NRXN1: variants seen among roughly 807,000 people sequenced by gnomAD.
NRXN1 encodes the protein neurexin-1.
NRXN1 carries 39 observed loss-of-function variants against 150.9 expected under a neutral mutation model. The ratio of observed to expected loss-of-function variants is 0.26; its 90% CI spans 0.20 to 0.34. NRXN1 has a LOEUF of 0.34. Ranked by LOEUF, NRXN1 falls within the 10% of genes least tolerant of loss-of-function variation. NRXN1 has a pLI of 1.00. For synonymous variants in NRXN1, 924 were observed against 757.0 expected, an observed-to-expected ratio of 1.22 and a Z score of -3.62; for missense variants, 1,815 against 1,949.9, an observed-to-expected ratio of 0.93 and a Z score of 1.30.
chr2:50,728,655 C>T (rs775725015), intron 5 of NRXN1, among the ~76,000 whole-genome samples: 5 of 152,100 alleles, frequency 3.3e-5, no homozygotes, highest in Non-Finnish European at 7.4e-5. Context: ...GTGTCTATAA[C>T]GTTAAGAAAA....
At chr2:50,912,593 C>A (rs566780254) in intron 5 of NRXN1, among the ~76,000 whole-genome samples, 4 of 151,516 alleles carry the variant, frequency 2.6e-5, no homozygotes, top group South Asian at 2.1e-4. Flanking sequence ...CTGCTCTGGG[C>A]TGTCCCTCTG....
At chr2:50,225,374 A>C (rs1326127189) in intron 18 of NRXN1, among the ~76,000 whole-genome samples, 1 of 151,976 alleles carries the variant, frequency 6.6e-6, no homozygotes, top group East Asian at 1.9e-4. Flanking sequence ...TAGAGTATGA[A>C]AATACGGACA....
chr2:50,593,400 T>A (rs1047956894), intron 8 of NRXN1, among the ~76,000 whole-genome samples: 13 of 152,216 alleles, frequency 8.5e-5, no homozygotes, highest in Non-Finnish European at 1.8e-4. Context: ...TTTACAAGCA[T>A]GTATATTTCT....
Position 49,943,774 on chromosome 2 carries a change from A to G in NRXN1, c.4146T>C (p.Leu1382=), listed in dbSNP as rs201258185. 1.9e-6 allele frequency: 3 copies of G among 1,611,234 alleles called. No homozygotes were observed. Among genetic ancestry groups the G allele is most frequent in the South Asian group, 1.1e-5 (1 of 90,446 alleles). ...CGCTGGGACACTCTGCTGAGGCCAC[A>G]AGGATGTCATCTGTGGTCTGCAAAA... ...EPISQTTDDI[L]VASAECPSDD... is the part of the protein sequence containing the mutation. The change falls in exon 22 of 23, where the codon CTT becomes CTC. Residue 1382 remains leucine (L), a synonymous_variant. Transcript: ENST00000401669.
chr2:50,012,980 C>G (rs1685959102), intron 21 of NRXN1, among the ~76,000 whole-genome samples: 1 of 151,984 alleles, frequency 6.6e-6, no homozygotes, highest in South Asian at 2.1e-4. Flanking sequence ...TTGCAAAGCC[C>G]TTTTGTGGGG....
intron 17 of NRXN1, among the ~76,000 whole-genome samples, chr2:50,450,450 AAAT>A (rs1298817038): frequency 1.3e-5 from 2 of 152,066 alleles, no homozygotes; most frequent in African/African-American, 4.8e-5. Flanking sequence ...AAAAAAAAAA[AAAT>A]CCCTTCTATC....
At chr2:50,813,550 CATTTTTATGA>C (rs1668519765) in intron 5 of NRXN1, among the ~76,000 whole-genome samples, 1 of 152,066 alleles carries the variant, frequency 6.6e-6, no homozygotes, top group African/African-American at 2.4e-5. Flanking sequence ...TCTCAAAGTG[CATTTTTATGA>C]ATTCCCTCAT....
chr2:50,605,874 C>T (rs1015466408), intron 8 of NRXN1, among the ~76,000 whole-genome samples: 6 of 152,042 alleles, frequency 3.9e-5, no homozygotes, highest in Non-Finnish European at 8.8e-5. Flanking sequence ...TTCACAATAG[C>T]CAGGATGAGC....
chr2:51,025,631 C>G (rs1359619545), intron 2 of NRXN1, among the ~76,000 whole-genome samples: 1 of 152,052 alleles, frequency 6.6e-6, no homozygotes, highest in African/African-American at 2.4e-5. Flanking sequence ...GACAATTTTC[C>G]CATAAAATAA....
chr2:50,303,560 G>A (rs75426190), intron 17 of NRXN1, among the ~76,000 whole-genome samples: 1 of 152,018 alleles, frequency 6.6e-6, no homozygotes, highest in African/African-American at 2.4e-5. Flanking sequence ...CTCTGATTGA[G>A]AGCACTTTGA....
chr2:50,138,753 C>A (rs1035746174), intron 18 of NRXN1, among the ~76,000 whole-genome samples: 2 of 152,190 alleles, frequency 1.3e-5, no homozygotes, highest in Non-Finnish European at 2.9e-5. Context: ...AGTCTTGAAG[C>A]CATCTTATGT....
intron 5 of NRXN1, among the ~76,000 whole-genome samples, chr2:50,704,074 T>C (rs753674348): frequency 6.6e-6 from 1 of 152,044 alleles, no homozygotes; most frequent in Non-Finnish European, 1.5e-5. Context: ...ATATTATATA[T>C]AAGTAGGAAA....
At chr2:50,143,930 A>T (rs1707643540) in intron 18 of NRXN1, among the ~76,000 whole-genome samples, 1 of 151,944 alleles carries the variant, frequency 6.6e-6, no homozygotes, top group South Asian at 2.1e-4. Context: ...CTAAAAAAAA[A>T]TTTTAACATT....
chr2:50,362,422 C>A (rs551790730), intron 17 of NRXN1, among the ~76,000 whole-genome samples: 2 of 152,192 alleles, frequency 1.3e-5, no homozygotes, highest in South Asian at 4.2e-4. Flanking sequence ...AATCAATGTG[C>A]AAAAATCACA....
chr2:50,699,061 G>C (rs1353869873), intron 5 of NRXN1, among the ~76,000 whole-genome samples: 1 of 152,122 alleles, frequency 6.6e-6, no homozygotes, highest in Non-Finnish European at 1.5e-5. Context: ...CCTCTCTAAA[G>C]ACAGAGACTG....
At chr2:50,184,860 G>A (rs962824385) in intron 18 of NRXN1, among the ~76,000 whole-genome samples, 2 of 152,070 alleles carry the variant, frequency 1.3e-5, no homozygotes, top group African/African-American at 2.4e-5. Context: ...CAGTGGAACC[G>A]AGTCATGCAG....
chr2:50,850,219 C>T (rs1348474706), intron 5 of NRXN1, among the ~76,000 whole-genome samples: 1 of 148,858 alleles, frequency 6.7e-6, no homozygotes, highest in Non-Finnish European at 1.5e-5. Flanking sequence ...CAGAGCAAGA[C>T]CTGTCTCGAC....
At chr2:50,837,716 C>G (rs1672307399) in intron 5 of NRXN1, among the ~76,000 whole-genome samples, 1 of 151,790 alleles carries the variant, frequency 6.6e-6, no homozygotes. Flanking sequence ...TAGCATAAAC[C>G]AGAAATATTT....
chr2:49,957,719 T>C (rs1675226456), intron 21 of NRXN1, among the ~76,000 whole-genome samples: 1 of 152,122 alleles, frequency 6.6e-6, no homozygotes, highest in Admixed American at 6.6e-5. Flanking sequence ...TGTGCTCCAG[T>C]TCCCTTTTAG....
Sources: gnomAD v4.1 joint callset for allele counts (sites outside exome capture counted in the v4.1 genomes callset) on GRCh38, gnomAD v4.1.1 for gene constraint, MANE v1.5 for transcripts, NCBI Gene and HGNC (gene_info 2026-07-23, HGNC 2026-07-21) for gene names.